The following GPC5 variants were observed in gnomAD, a reference collection of about 807,000 sequenced individuals.
The protein encoded by GPC5 is glypican-5.
GPC5 carries 47 observed loss-of-function variants against 53.9 expected under a neutral mutation model. The observed-to-expected ratio is 0.87, with a 90% confidence interval of 0.69 to 1.11. The LOEUF is 1.11. Among genes scored for constraint, GPC5 ranks in the 50% most tolerant of loss-of-function variants. The pLI is 0.00. For synonymous variants in GPC5, 286 were observed against 263.3 expected, an observed-to-expected ratio of 1.09 and a Z score of -0.84; for missense variants, 748 against 713.1, an observed-to-expected ratio of 1.05 and a Z score of -0.56.
intron 7 of GPC5, among the ~76,000 whole-genome samples, chr13:92,279,447 ACTT>A (rs757215408): frequency 1.3e-5 from 2 of 151,888 alleles, no homozygotes; most frequent in Non-Finnish European, 2.9e-5. Context: ...GATAGTTTTT[ACTT>A]CTTTTCTAAT....
intron 5 of GPC5, among the ~76,000 whole-genome samples, chr13:91,828,526 C>A (rs944168968): frequency 5.3e-5 from 8 of 151,980 alleles, no homozygotes; most frequent in African/African-American, 1.9e-4. Flanking sequence ...AAATATCATT[C>A]TCCAATAAAA....
At chr13:92,089,502 C>T (rs532454566) in intron 6 of GPC5, among the ~76,000 whole-genome samples, 11 of 151,970 alleles carry the variant, frequency 7.2e-5, no homozygotes, top group East Asian at 3.9e-4. Flanking sequence ...ATTTCCCACA[C>T]GGTTTTTTTA....
At chr13:92,758,622 A>T (rs73623335) in intron 7 of GPC5, among the ~76,000 whole-genome samples, 9,344 of 152,234 alleles carry the variant, frequency 0.061, 306 homozygotes, top group Non-Finnish European at 0.075. Flanking sequence ...TAGCCAGAAG[A>T]TGAGCTGACG....
chr13:92,031,676 A>AATAT (rs544961651), intron 6 of GPC5, among the ~76,000 whole-genome samples: 1 of 92,184 alleles, frequency 1.1e-5, no homozygotes, highest in African/African-American at 4.9e-5. Flanking sequence ...TGGTATATAT[A>AATAT]ATATATATAT....
At chr13:91,996,544 CAT>C (rs1473345455) in intron 6 of GPC5, 2 of 152,132 alleles carry the variant, frequency 1.3e-5, no homozygotes, top group Non-Finnish European at 1.5e-5. Flanking sequence ...AAATATAACA[CAT>C]AGCAAAAAGT....
chr13:92,284,996 T>A (rs2042943372), intron 7 of GPC5, among the ~76,000 whole-genome samples: 1 of 152,140 alleles, frequency 6.6e-6, no homozygotes, highest in Admixed American at 6.5e-5. Flanking sequence ...GATAACCCCA[T>A]CGTCTCAGCC....
At chr13:92,664,469 A>G (rs1032260440) in intron 7 of GPC5, among the ~76,000 whole-genome samples, 4 of 151,966 alleles carry the variant, frequency 2.6e-5, no homozygotes, top group Non-Finnish European at 5.9e-5. Context: ...CATGTTGACA[A>G]TACATTATTC....
intron 2 of GPC5, among the ~76,000 whole-genome samples, chr13:91,532,861 G>A (rs1366313265): frequency 1.3e-5 from 2 of 152,108 alleles, no homozygotes; most frequent in Non-Finnish European, 2.9e-5. Flanking sequence ...GTGACAGAAT[G>A]AGACCCTGTC....
chr13:92,828,482 A>T (rs1407813367), intron 7 of GPC5, among the ~76,000 whole-genome samples: 1 of 152,096 alleles, frequency 6.6e-6, no homozygotes, highest in Non-Finnish European at 1.5e-5. Context: ...TATATGCAAA[A>T]CATCTGGCTG....
chr13:92,042,180 T>A (rs1418621218), intron 6 of GPC5, among the ~76,000 whole-genome samples: 1 of 152,088 alleles, frequency 6.6e-6, no homozygotes, highest in Non-Finnish European at 1.5e-5. Flanking sequence ...CCATGCAGCC[T>A]CCAAGGTAAA....
At chr13:91,976,396 G>A (rs778933708) in intron 6 of GPC5, among the ~76,000 whole-genome samples, 12 of 152,198 alleles carry the variant, frequency 7.9e-5, no homozygotes, top group Non-Finnish European at 1.5e-4. Flanking sequence ...GCCAATTACT[G>A]AGACAATGAG....
chr13:91,476,257 G>A (rs938531558), intron 2 of GPC5, among the ~76,000 whole-genome samples: 2 of 152,146 alleles, frequency 1.3e-5, no homozygotes, highest in East Asian at 3.9e-4. Context: ...TCCCCCCAGG[G>A]AGCAAAATCA....
chr13:92,134,811 C>T (rs538566453), intron 6 of GPC5, among the ~76,000 whole-genome samples: 26 of 152,122 alleles, frequency 1.7e-4, no homozygotes, highest in African/African-American at 5.8e-4. Context: ...CTCTCCCTCC[C>T]ACATATACAT....
rs146398757 is a variant in GPC5, at chr13:91,986,220, C to A, written c.1401+78163C>A. Among the ~76,000 whole-genome samples the A allele has an allele frequency of 4.3e-3, 658 of 151,978 alleles. 7 individuals are homozygous for A. Among genetic ancestry groups the A allele is most frequent in the African/African-American group, 0.015 (625 of 41,442 alleles). On this transcript the variant is annotated intron_variant, in intron 6 of 7. Coordinates refer to ENST00000377067, the MANE Select transcript of GPC5 (RefSeq NM_004466.6). ...ATCTGGGACTACAGGCACCCACCAC[C>A]ATGCCCGGCTAATTTTTTGTATTTT... is the stretch of plus-strand genomic sequence containing the variant.
intron 7 of GPC5, among the ~76,000 whole-genome samples, chr13:92,177,437 CA>C (rs2042116711): frequency 1.3e-5 from 2 of 152,082 alleles, no homozygotes; most frequent in South Asian, 4.2e-4. Flanking sequence ...TTGATCTTTC[CA>C]ATGATTTCAA....
chr13:91,469,608 C>T (rs1364052060), intron 2 of GPC5, among the ~76,000 whole-genome samples: 1 of 152,072 alleles, frequency 6.6e-6, no homozygotes, highest in Non-Finnish European at 1.5e-5. Flanking sequence ...GGGAAATTCT[C>T]TACTTTAAAA....
intron 6 of GPC5, among the ~76,000 whole-genome samples, chr13:92,043,411 A>G (rs967471355): frequency 1.3e-5 from 2 of 152,132 alleles, no homozygotes; most frequent in African/African-American, 4.8e-5. Flanking sequence ...AAATGTGAGG[A>G]GCAAGGGAAG....
chr13:91,457,777 C>G, intron 2 of GPC5, among the ~76,000 whole-genome samples: 1 of 151,946 alleles, frequency 6.6e-6, no homozygotes, highest in Non-Finnish European at 1.5e-5. Context: ...GGAGAAAGTA[C>G]AAGTAGAGGA....
chr13:92,100,752 A>T (rs897385709), intron 6 of GPC5, among the ~76,000 whole-genome samples: 1 of 152,208 alleles, frequency 6.6e-6, no homozygotes, highest in African/African-American at 2.4e-5. Context: ...AAAGATGCCA[A>T]GACCAAGGAG....
Sources: allele counts gnomAD v4.1 joint callset (sites outside exome capture counted in the v4.1 genomes callset), GRCh38; gene constraint gnomAD v4.1.1; transcripts MANE v1.5; gene names NCBI Gene and HGNC (gene_info 2026-07-23, HGNC 2026-07-21).